Variants in NPLOC4 observed in about 807,000 individuals in gnomAD.
The protein encoded by NPLOC4 is nuclear protein localization protein 4 homolog.
In NPLOC4, 18 loss-of-function variants were observed where a neutral mutation model predicts 80.6. The ratio of observed to expected loss-of-function variants is 0.22; its 90% CI spans 0.15 to 0.33. The LOEUF is 0.33. NPLOC4 is among the 10% of genes least tolerant of loss of function. The probability of loss-of-function intolerance (pLI) is 1.00; values close to 1 mark genes in which losing one functional copy is unlikely to be tolerated. For missense variants in NPLOC4, 540 were observed against 786.1 expected (o/e 0.69, Z 3.74); for synonymous variants, 313 against 301.5 (o/e 1.04, Z -0.39).
intron 10 of NPLOC4, among the ~76,000 whole-genome samples, chr17:81,596,918 C>T (rs994605944): frequency 6.6e-6 from 1 of 152,110 alleles, no homozygotes; most frequent in African/African-American, 2.4e-5. Context: ...CAAGACCATC[C>T]TGGCTAACAC....
At position 81,577,166 on chromosome 17, in the gene NPLOC4, T is replaced by C. The variant is rs1032814216; in HGVS notation, c.1282-5078A>G. 6.6e-6 allele frequency among the ~76,000 whole-genome samples: 1 copy of C among 152,092 alleles called. No individual in the cohort carries two copies. Among genetic ancestry groups the C allele is most frequent in the Non-Finnish European group, 1.5e-5 (1 of 68,000 alleles). The stretch of plus-strand genomic sequence containing the variant: ...TCTGGCCCCTCCACAGCTGGCTCCT[T>C]GAAGGAACGCTGTTCCCTTGCTGCT... On this transcript the variant is annotated intron_variant, in intron 12 of 16. Coordinates refer to ENST00000331134, the MANE Select transcript of NPLOC4 (RefSeq NM_017921.4). The surrounding 1 kb of genome is among the most constrained non-coding windows in gnomAD (Gnocchi z 4.3).
intron 12 of NPLOC4, among the ~76,000 whole-genome samples, chr17:81,574,171 C>T (rs2034231763): frequency 6.6e-6 from 1 of 152,248 alleles, no homozygotes; most frequent in Non-Finnish European, 1.5e-5. Context: ...ATAATTAGCC[C>T]ATCTGGAATT....
At chr17:81,568,567 C>G (rs2034075116) in intron 14 of NPLOC4, among the ~76,000 whole-genome samples, 1 of 152,254 alleles carries the variant, frequency 6.6e-6, no homozygotes, top group African/African-American at 2.4e-5. Context: ...CTGGCCTGAT[C>G]TGCCAGTGAG....
chr17:81,610,641 G>A (rs929266651), intron 4 of NPLOC4, among the ~76,000 whole-genome samples: 3 of 152,076 alleles, frequency 2.0e-5, no homozygotes, highest in Non-Finnish European at 4.4e-5. Flanking sequence ...TGACTTCATG[G>A]GTATCCACTG....
intron 14 of NPLOC4, chr17:81,568,160 G>A (rs1015232324): frequency 6.6e-6 from 1 of 152,156 alleles, no homozygotes; most frequent in Non-Finnish European, 1.5e-5. Flanking sequence ...CCCCGGTGGA[G>A]AGTGGGCTGC....
At chr17:81,591,040 T>C (rs1053312812) in intron 11 of NPLOC4, among the ~76,000 whole-genome samples, 5 of 152,130 alleles carry the variant, frequency 3.3e-5, no homozygotes, top group Non-Finnish European at 7.4e-5. Context: ...CTTGGTGGCA[T>C]AAATGACACT....
chr17:81,625,646 G>A (rs1311972254), intron 2 of NPLOC4, among the ~76,000 whole-genome samples: 3 of 152,098 alleles, frequency 2.0e-5, no homozygotes, highest in Admixed American at 6.6e-5. Context: ...TGGAAGCACT[G>A]CTTGAGCCCA....
intron 4 of NPLOC4, 42 bp downstream of exon 4, chr17:81,613,276 G>C (rs550691039): frequency 1.3e-6 from 2 of 1,548,188 alleles, no homozygotes; most frequent in African/African-American, 1.4e-5. Flanking sequence ...CACCCATTAA[G>C]ATCACCACAA....
chr17:81,565,565 C>T lies in NPLOC4; in HGVS notation c.1609G>A (p.Glu537Lys), dbSNP rs1350788226. The change falls in exon 16 of 17, where the codon GAG becomes AAG. Residue 537 changes from glutamate (E) to lysine (K), a missense_variant. Transcript: ENST00000331134. ...LLLEAVRTRN[E>K]ELAQTWKRSE... is the part of the protein sequence containing the mutation. ...CTCTTCCATGTCTGGGCGAGCTCCT[C>T]ATTTCTGGTCCGCACGGCCTCCAGC... The T allele has an allele frequency of 6.4e-7, 1 of 1,556,310 alleles. No homozygotes were observed. The highest frequency in any genetic ancestry group is 8.7e-7 in the Non-Finnish European group (1 of 1,150,716).
At chr17:81,559,867 GGA>G in intron 16 of NPLOC4, among the ~76,000 whole-genome samples, 1 of 151,714 alleles carries the variant, frequency 6.6e-6, no homozygotes, top group Non-Finnish European at 1.5e-5. Flanking sequence ...CAAGTAGCTG[GGA>G]TTACAGGCAT....
chr17:81,605,744 T>TAA (rs1270113052), intron 7 of NPLOC4, among the ~76,000 whole-genome samples: 1 of 151,888 alleles, frequency 6.6e-6, no homozygotes, highest in Non-Finnish European at 1.5e-5. Context: ...CATCTATCAA[T>TAA]AAATTCAAAA....
chr17:81,601,304 T>G (rs1282901450), intron 8 of NPLOC4, among the ~76,000 whole-genome samples: 3 of 152,224 alleles, frequency 2.0e-5, no homozygotes, highest in Non-Finnish European at 4.4e-5. Context: ...TTGCTGGGTA[T>G]TACCCATATG....
intron 16 of NPLOC4, chr17:81,561,622 C>G (rs1046131432): frequency 6.6e-6 from 1 of 152,118 alleles, no homozygotes; most frequent in Non-Finnish European, 1.5e-5. Flanking sequence ...GGGTATTGCT[C>G]TGTCATTCAG....
chr17:81,565,692 A>C, intron 15 of NPLOC4, 85 bp from the exon 16 acceptor site: 1 of 967,874 alleles, frequency 1.0e-6, no homozygotes, highest in Non-Finnish European at 1.5e-6. Context: ...TCTCCCCAAC[A>C]TCAAGACGTA....
Position 81,609,264 on chromosome 17 carries a change from C to G in NPLOC4, c.436-442G>C, listed in dbSNP as rs187847155. On this transcript the variant is annotated intron_variant, in intron 5 of 16. Transcript: ENST00000331134. Reference sequence around the variant, plus strand: ...CAAACTCCTGACCTCATGATCCACCCGCCTTGGCCTCCCAAAGTGTTAGCT... The same window carrying G: ...CAAACTCCTGACCTCATGATCCACCGGCCTTGGCCTCCCAAAGTGTTAGCT... 1.8e-3 allele frequency among the ~76,000 whole-genome samples: 269 copies of G among 152,300 alleles called. 2 individuals carry two copies. The highest frequency in any genetic ancestry group is 6.2e-3 in the African/African-American group (259 of 41,564).
chr17:81,628,991 G>T (rs1344429030), intron 2 of NPLOC4, among the ~76,000 whole-genome samples: 3 of 149,604 alleles, frequency 2.0e-5, no homozygotes, highest in Admixed American at 6.8e-5. Flanking sequence ...TCATTCTCCT[G>T]CCTCAGCCTC....
At chr17:81,621,438 A>C (rs2035665224) in intron 3 of NPLOC4, among the ~76,000 whole-genome samples, 1 of 152,230 alleles carries the variant, frequency 6.6e-6, no homozygotes, top group Non-Finnish European at 1.5e-5. Context: ...CCCACCACTG[A>C]GCCAGTGGCC....
chr17:81,630,448 G>C (rs2035898856), intron 1 of NPLOC4, among the ~76,000 whole-genome samples: 1 of 152,000 alleles, frequency 6.6e-6, no homozygotes, highest in African/African-American at 2.4e-5. Flanking sequence ...CACCACACCA[G>C]GTTAATTTTT....
Position 81,602,918 on chromosome 17 carries a change from T to C in NPLOC4, c.834+1630A>G, listed in dbSNP as rs562359187. ...ATACACATACATACATATATATGTA[T>C]ATATACACACACACATATATATATA... On this transcript the variant is annotated intron_variant, in intron 8 of 16. Coordinates refer to ENST00000331134, the MANE Select transcript of NPLOC4 (RefSeq NM_017921.4). Among the ~76,000 whole-genome samples, 8 of 131,996 alleles carry C rather than the reference T, an allele frequency of 6.1e-5. No homozygotes were observed. In the East Asian group the frequency reaches 1.5e-3, roughly 24 times the overall value. 86.6% of individuals were successfully genotyped at this position (131,996 alleles called of 152,430 possible).
Sources: gnomAD v4.1 joint callset for allele counts (sites outside exome capture counted in the v4.1 genomes callset) on GRCh38, gnomAD v4.1.1 for gene constraint, Gnocchi (gnomAD v3.1) non-coding constraint, MANE v1.5 for transcripts, NCBI Gene and HGNC (gene_info 2026-07-23, HGNC 2026-07-21) for gene names.